Variants in HPSE2 observed in about 807,000 individuals in gnomAD.
The protein encoded by HPSE2 is inactive heparanase-2.
HPSE2 carries 38 observed loss-of-function variants against 60.5 expected under a neutral mutation model. That is an observed-to-expected ratio of 0.63 (90% CI 0.48 to 0.82). The LOEUF is 0.82. Ranked by LOEUF, HPSE2 falls within the 40% of genes least tolerant of loss-of-function variation. The probability of loss-of-function intolerance (pLI) is 0.00; values close to 1 mark genes in which losing one functional copy is unlikely to be tolerated. For synonymous variants in HPSE2, 295 were observed against 293.2 expected (o/e 1.01, Z -0.06); for missense variants, 713 against 740.4 (o/e 0.96, Z 0.43).
At chr10:98,921,423 TCA>T (rs1954279577) in intron 3 of HPSE2, among the ~76,000 whole-genome samples, 1 of 152,170 alleles carries the variant, frequency 6.6e-6, no homozygotes, top group Admixed American at 6.5e-5. Context: ...CAGCCTTCAC[TCA>T]CAGCAGCAAA....
chr10:98,983,363 C>T (rs1005628210), intron 3 of HPSE2, among the ~76,000 whole-genome samples: 30 of 152,026 alleles, frequency 2.0e-4, no homozygotes, highest in African/African-American at 2.9e-4. Context: ...TCCGTAATCT[C>T]GTTTTGGTTG....
intron 3 of HPSE2, among the ~76,000 whole-genome samples, chr10:99,067,020 C>A (rs1028375100): frequency 6.6e-6 from 1 of 152,124 alleles, no homozygotes; most frequent in East Asian, 1.9e-4. Context: ...GAGAAACTGG[C>A]CAAAACGAAG....
At chr10:99,257,529 C>A in the HPSE2 span, among the ~76,000 whole-genome samples, 2 of 152,110 alleles carry the variant, frequency 1.3e-5, no homozygotes, top group Non-Finnish European at 2.9e-5. Flanking sequence ...CTTATTAGGA[C>A]GAGGAAATCC....
At chr10:98,661,879 C>T (rs1947232907) in intron 6 of HPSE2, among the ~76,000 whole-genome samples, 1 of 152,116 alleles carries the variant, frequency 6.6e-6, no homozygotes, top group Non-Finnish European at 1.5e-5. Flanking sequence ...TCAGCCTTTT[C>T]AAAATGGAAG....
intron 3 of HPSE2, among the ~76,000 whole-genome samples, chr10:98,778,298 A>AGAGAGAG (rs1950390952): frequency 3.4e-5 from 1 of 29,350 alleles, no homozygotes; most frequent in African/African-American, 1.3e-4. Flanking sequence ...GAGAGAGAGA[A>AGAGAGAG]AGCAAGAAAG....
At chr10:99,263,713 C>T in the HPSE2 span, among the ~76,000 whole-genome samples, 4 of 152,158 alleles carry the variant, frequency 2.6e-5, no homozygotes, top group African/African-American at 7.2e-5. Context: ...CTACACTCAA[C>T]GCAGATGGTT....
chr10:98,826,516 T>C (rs1951551759), intron 3 of HPSE2, among the ~76,000 whole-genome samples: 2 of 152,198 alleles, frequency 1.3e-5, no homozygotes, highest in African/African-American at 4.8e-5. Flanking sequence ...TCAGACTCTG[T>C]GACTACTCAA....
chr10:98,839,814 A>T (rs1362370677), intron 3 of HPSE2, among the ~76,000 whole-genome samples: 1 of 152,158 alleles, frequency 6.6e-6, no homozygotes, highest in East Asian at 1.9e-4. Context: ...GGAAAGTGCT[A>T]CCAGGATTCA....
chr10:98,475,120 A>ATTT (rs56097343), intron 11 of HPSE2, among the ~76,000 whole-genome samples: 23,773 of 141,176 alleles, frequency 0.17, 2,205 homozygotes, highest in East Asian at 0.28. Context: ...CCACAATTCT[A>ATTT]TTTTTTTTTT....
chr10:98,545,937 T>C (rs1353723877), intron 9 of HPSE2, among the ~76,000 whole-genome samples: 1 of 150,060 alleles, frequency 6.7e-6, no homozygotes, highest in African/African-American at 2.4e-5. Context: ...CTTAAGCTGA[T>C]AAGCAACTTC....
intron 3 of HPSE2, among the ~76,000 whole-genome samples, chr10:99,071,887 C>T (rs1842801687): frequency 6.6e-6 from 1 of 152,148 alleles, no homozygotes; most frequent in African/African-American, 2.4e-5. Context: ...AATGGGTCAA[C>T]TGGGTTTATT....
chr10:98,997,274 G>A (rs751056740), intron 3 of HPSE2, among the ~76,000 whole-genome samples: 3 of 151,710 alleles, frequency 2.0e-5, no homozygotes, highest in Admixed American at 6.6e-5. Context: ...CACCATGCCC[G>A]GCTAATTTTT....
At chr10:98,963,196 T>G (rs985956669) in intron 3 of HPSE2, among the ~76,000 whole-genome samples, 3 of 152,178 alleles carry the variant, frequency 2.0e-5, no homozygotes, top group Non-Finnish European at 4.4e-5. Flanking sequence ...TCAAGTCCTT[T>G]GGAGTATGCA....
chr10:98,543,552 A>G (rs953855480), intron 9 of HPSE2, among the ~76,000 whole-genome samples: 24 of 152,234 alleles, frequency 1.6e-4, no homozygotes, highest in Admixed American at 3.9e-4. Context: ...AAAAGAGTCA[A>G]GACCCATCAG....
At chr10:98,540,727 C>T (rs913389668) in intron 9 of HPSE2, among the ~76,000 whole-genome samples, 2 of 152,016 alleles carry the variant, frequency 1.3e-5, no homozygotes, top group Admixed American at 6.5e-5. Context: ...GGTTAAACAG[C>T]AAGAAAATTA....
intron 3 of HPSE2, among the ~76,000 whole-genome samples, chr10:99,040,248 G>A (rs755502857): frequency 6.6e-5 from 10 of 152,010 alleles, no homozygotes; most frequent in Non-Finnish European, 1.5e-4. Context: ...TCAATTGAAT[G>A]GATATACCAA....
chr10:98,501,868 T>C (rs1446712586), intron 9 of HPSE2, among the ~76,000 whole-genome samples: 1 of 152,084 alleles, frequency 6.6e-6, no homozygotes, highest in African/African-American at 2.4e-5. Context: ...ACAAGATTAA[T>C]GTACACAAAT....
At chr10:99,236,429 C>A (rs1293174349), upstream of HPSE2, among the ~76,000 whole-genome samples, 1 of 152,110 alleles carries the variant, frequency 6.6e-6, no homozygotes, top group Non-Finnish European at 1.5e-5. Context: ...GCTTGTTTCT[C>A]CTGACAGCGT....
At chr10:99,154,093 G>A (rs1470152657) in intron 2 of HPSE2, among the ~76,000 whole-genome samples, 1 of 149,164 alleles carries the variant, frequency 6.7e-6, no homozygotes, top group African/African-American at 2.4e-5. Flanking sequence ...CAAGAAATAT[G>A]AGACTATGTG....
Sources: gnomAD v4.1 joint callset for allele counts (sites outside exome capture counted in the v4.1 genomes callset) on GRCh38, gnomAD v4.1.1 for gene constraint, MANE v1.5 for transcripts, NCBI Gene and HGNC (gene_info 2026-07-23, HGNC 2026-07-21) for gene names.